PLCXD3: variants seen among roughly 807,000 people sequenced by gnomAD.
PLCXD3 encodes PI-PLC X domain-containing protein 3.
In PLCXD3, 19 loss-of-function variants were observed where a neutral mutation model predicts 25.5. The observed-to-expected ratio is 0.75, with a 90% CI of 0.52 to 1.09. The LOEUF is 1.09. PLCXD3 is among the 50% of genes least tolerant of loss of function. The probability of loss-of-function intolerance (pLI) is 0.00; values close to 1 mark genes in which losing one functional copy is unlikely to be tolerated. For synonymous variants in PLCXD3, 174 were observed against 137.6 expected, an observed-to-expected ratio of 1.26 and a Z score of -1.85; for missense variants, 411 against 388.1, an observed-to-expected ratio of 1.06 and a Z score of -0.50.
intron 1 of PLCXD3, among the ~76,000 whole-genome samples, chr5:41,441,203 TAAG>T (rs1423047866): frequency 6.6e-6 from 1 of 152,128 alleles, no homozygotes; most frequent in East Asian, 1.9e-4. Flanking sequence ...AATACAGTCT[TAAG>T]AAGACTTGTA....
intron 2 of PLCXD3, among the ~76,000 whole-genome samples, chr5:41,374,176 T>C (rs1335245444): frequency 1.3e-5 from 2 of 152,090 alleles, no homozygotes; most frequent in Non-Finnish European, 2.9e-5. Flanking sequence ...AGCTTGTTTG[T>C]GAGTATGAGC....
chr5:41,386,032 C>T (rs554815028), intron 1 of PLCXD3, among the ~76,000 whole-genome samples: 44 of 152,152 alleles, frequency 2.9e-4, no homozygotes, highest in Middle Eastern at 6.8e-3. Context: ...TGTTGTTTTA[C>T]GCCACTAAAT....
In PLCXD3 at chr5:41,313,572, A is replaced by G; in HGVS notation, c.*45T>C. ...GTTTACAGATAGTATGCCCTAATAC[A>G]ATGAGCTTTCTCCATCTTATTCATG... On this transcript the variant is annotated 3_prime_UTR_variant, in exon 3 of 3. Transcript: ENST00000377801. 6.2e-7 allele frequency: 1 copy of G among 1,609,210 alleles called. No homozygotes were observed. Among genetic ancestry groups the G allele is most frequent in the Non-Finnish European group, 8.5e-7 (1 of 1,175,818 alleles).
chr5:41,390,751 C>G (rs922796160), intron 1 of PLCXD3, among the ~76,000 whole-genome samples: 2 of 152,058 alleles, frequency 1.3e-5, no homozygotes, highest in African/African-American at 4.8e-5. Flanking sequence ...TCATAAGGAA[C>G]AAAAATCAGA....
intron 1 of PLCXD3, among the ~76,000 whole-genome samples, chr5:41,481,042 C>A (rs762374726): frequency 4.1e-5 from 6 of 144,760 alleles, no homozygotes; most frequent in Non-Finnish European, 6.0e-5. Context: ...AGAAAAATAC[C>A]TACCAAATTT....
intron 1 of PLCXD3, among the ~76,000 whole-genome samples, chr5:41,501,355 G>A (rs58203282): frequency 0.21 from 32,446 of 151,872 alleles, 3,459 homozygotes; most frequent in East Asian, 0.28. Flanking sequence ...CTATTATTCA[G>A]TCATAAAAAG....
At position 41,454,356 on chromosome 5, in the gene PLCXD3, T is replaced by C. The variant is rs115894150; in HGVS notation, c.103+56068A>G. Among the ~76,000 whole-genome samples, 780 of 152,068 alleles carry C rather than the reference T, an allele frequency of 5.1e-3. 3 individuals are homozygous for C. Among genetic ancestry groups the C allele is most frequent in the Non-Finnish European group, 8.3e-3 (561 of 67,930 alleles). On this transcript the variant is annotated intron_variant, in intron 1 of 2. Transcript: ENST00000377801. The stretch of plus-strand genomic sequence containing the variant: ...GTTCTTGAGGCTGGGTTGCCTAAGA[T>C]CTAAGTGCTGGCAGATTTGGTATTT...
chr5:41,443,767 T>C (rs989361778), intron 1 of PLCXD3, among the ~76,000 whole-genome samples: 3 of 152,144 alleles, frequency 2.0e-5, no homozygotes, highest in African/African-American at 7.2e-5. Flanking sequence ...TTGACAAGCA[T>C]TTCAGGGCAG....
intron 1 of PLCXD3, among the ~76,000 whole-genome samples, chr5:41,507,793 T>C (rs1000992157): frequency 9.2e-5 from 14 of 152,186 alleles, no homozygotes; most frequent in Admixed American, 3.3e-4. Flanking sequence ...ATGGAGATAA[T>C]TACTTAATTT....
chr5:41,427,747 A>G (rs969774761), intron 1 of PLCXD3, among the ~76,000 whole-genome samples: 1 of 152,088 alleles, frequency 6.6e-6, no homozygotes, highest in African/African-American at 2.4e-5. Context: ...TCGCTTCCAA[A>G]CAGTGTGACA....
intron 2 of PLCXD3, among the ~76,000 whole-genome samples, chr5:41,360,010 C>A (rs1184243408): frequency 6.6e-6 from 1 of 152,154 alleles, no homozygotes; most frequent in Admixed American, 6.5e-5. Context: ...TCACAAACTT[C>A]TCGGAGCCTT....
intron 2 of PLCXD3, among the ~76,000 whole-genome samples, chr5:41,348,691 C>A (rs1194035146): frequency 6.6e-6 from 1 of 151,956 alleles, no homozygotes; most frequent in African/African-American, 2.4e-5. Flanking sequence ...GACCATCGGG[C>A]CAGGTGTGAT....
chr5:41,370,874 G>A (rs1489104111), intron 2 of PLCXD3, among the ~76,000 whole-genome samples: 1 of 152,286 alleles, frequency 6.6e-6, no homozygotes, highest in African/African-American at 2.4e-5. Context: ...CAAATGGAAT[G>A]TTCTCAAATC....
chr5:41,432,298 C>T (rs1747130708), intron 1 of PLCXD3, among the ~76,000 whole-genome samples: 1 of 152,206 alleles, frequency 6.6e-6, no homozygotes, highest in African/African-American at 2.4e-5. Flanking sequence ...GCTAATCGAG[C>T]TTCTTTCTAA....
In PLCXD3 at chr5:41,388,964, A is replaced by T. The variant is rs577490668; in HGVS notation, c.104-6430T>A. ...GTATAGTAATGCTTGTATAATTTATATATAAATGTATTTATAATATTTATA... is the reference window on the plus strand; with the variant it reads ...GTATAGTAATGCTTGTATAATTTATTTATAAATGTATTTATAATATTTATA... On this transcript the variant is annotated intron_variant, in intron 1 of 2. Coordinates refer to ENST00000377801, the MANE Select transcript of PLCXD3 (RefSeq NM_001005473.3). Among the ~76,000 whole-genome samples, 4 of 151,458 alleles carry T rather than the reference A, an allele frequency of 2.6e-5. No homozygotes were observed. In the South Asian group the frequency reaches 8.3e-4, roughly 31 times the overall value.
At chr5:41,425,166 T>C (rs2150507050) in intron 1 of PLCXD3, among the ~76,000 whole-genome samples, 1 of 152,354 alleles carries the variant, frequency 6.6e-6, no homozygotes, top group East Asian at 1.9e-4. Flanking sequence ...GTTTGTGTGA[T>C]ATTAATATAA....
At chr5:41,473,254 C>G (rs1184124012) in intron 1 of PLCXD3, among the ~76,000 whole-genome samples, 1 of 151,872 alleles carries the variant, frequency 6.6e-6, no homozygotes, top group Non-Finnish European at 1.5e-5. Flanking sequence ...CATCTTGGGC[C>G]TTTAATGAAT....
intron 1 of PLCXD3, among the ~76,000 whole-genome samples, chr5:41,492,186 A>G (rs1748715239): frequency 1.3e-5 from 2 of 151,966 alleles, no homozygotes; most frequent in African/African-American, 4.8e-5. Flanking sequence ...TTTCTCCTTC[A>G]CTTATGAAGC....
At chr5:41,322,971 TAA>T (rs57326151) in intron 2 of PLCXD3, among the ~76,000 whole-genome samples, 256 of 139,380 alleles carry the variant, frequency 1.8e-3, no homozygotes, top group Middle Eastern at 3.6e-3. Context: ...AGACTCTGTC[TAA>T]AAAAAAAAAA....
Sources: allele counts gnomAD v4.1 joint callset (sites outside exome capture counted in the v4.1 genomes callset), GRCh38; gene constraint gnomAD v4.1.1; transcripts MANE v1.5; gene names NCBI Gene and HGNC (gene_info 2026-07-23, HGNC 2026-07-21).